The following MED13 variants were observed in gnomAD, a reference collection of about 807,000 sequenced individuals.
MED13 encodes mediator of RNA polymerase II transcription subunit 13.
In MED13, 23 loss-of-function variants were observed where a neutral mutation model predicts 225.2. That is an observed-to-expected ratio of 0.10 (90% confidence interval 0.07 to 0.14). The LOEUF is 0.14. Among genes scored for constraint, MED13 ranks in the 10% least tolerant of loss-of-function variants. The probability of loss-of-function intolerance (pLI) is 1.00; values close to 1 mark genes in which losing one functional copy is unlikely to be tolerated. For missense variants in MED13, 2,197 were observed against 2,594.5 expected (o/e 0.85, Z 3.33); for synonymous variants, 942 against 889.2 (o/e 1.06, Z -1.06).
At chr17:62,014,045 C>A (rs1222447153) in intron 8 of MED13, among the ~76,000 whole-genome samples, 2 of 151,814 alleles carry the variant, frequency 1.3e-5, no homozygotes, top group African/African-American at 4.8e-5. Context: ...TCCCACCCCC[C>A]ACCAAAAACA....
chr17:62,038,384 A>C (rs1375972159), intron 3 of MED13, among the ~76,000 whole-genome samples: 2 of 152,120 alleles, frequency 1.3e-5, no homozygotes, highest in African/African-American at 4.8e-5. Flanking sequence ...TCTCCAAACA[A>C]AAAAAGATAT....
chr17:62,036,082 A>C (rs2080800664), intron 3 of MED13, among the ~76,000 whole-genome samples: 1 of 148,488 alleles, frequency 6.7e-6, no homozygotes, highest in Admixed American at 6.8e-5. Context: ...GGGCCACTGT[A>C]CCCAGCTCTT....
At chr17:61,959,695 T>C (rs2143334931) in intron 23 of MED13, among the ~76,000 whole-genome samples, 1 of 150,142 alleles carries the variant, frequency 6.7e-6, no homozygotes. Context: ...TTTTATATAA[T>C]AAGGAAGAAA....
chr17:62,062,313 T>C (rs1412343397), intron 2 of MED13, among the ~76,000 whole-genome samples: 3 of 152,328 alleles, frequency 2.0e-5, no homozygotes, highest in African/African-American at 4.8e-5. Flanking sequence ...TGAAAAGCTA[T>C]AGTTTCTCTT....
At position 62,015,936 on chromosome 17, in the gene MED13, ATATATATATATATATATATTTTTTTTTT is replaced by A. The variant is rs1244178608; in HGVS notation, c.1284-4731_1284-4704del. Among the ~76,000 whole-genome samples the A allele has an allele frequency of 8.3e-3, 73 of 8,832 alleles. 3 individuals are homozygous for A. The highest frequency in any genetic ancestry group is 0.025 in the South Asian group (5 of 204). The allele number at this position is 8,832 out of a possible 152,430, so 5.8% of individuals were successfully genotyped here. A position where few individuals can be genotyped will look rare whatever the true frequency, so the allele number is the denominator to read the frequency against. ...TACACATATATATATATATATATAT[ATATATATATATATATATATTTTTTTTTT>A]TTTTTTTTTTTTTTTTTTTAGTAGA... On this transcript the variant is annotated intron_variant, in intron 8 of 29. Coordinates refer to ENST00000397786, the MANE Select transcript of MED13 (RefSeq NM_005121.3).
intron 16 of MED13, among the ~76,000 whole-genome samples, chr17:61,976,023 AAAAT>A (rs1248900647): frequency 1.3e-5 from 2 of 152,228 alleles, no homozygotes; most frequent in Non-Finnish European, 2.9e-5. Flanking sequence ...TCTCAAAAAA[AAAAT>A]AAATAAATAA....
intron 8 of MED13, among the ~76,000 whole-genome samples, chr17:62,027,590 T>C (rs1246170748): frequency 1.3e-5 from 2 of 152,138 alleles, no homozygotes; most frequent in African/African-American, 4.8e-5. Flanking sequence ...TGGGATCTAA[T>C]TAAACTAAAG....
Position 61,955,057 on chromosome 17 carries a change from C to G in MED13, c.5968+325G>C, listed in dbSNP as rs1455984128. On this transcript the variant is annotated intron_variant, in intron 26 of 29. Coordinates refer to ENST00000397786, the MANE Select transcript of MED13 (RefSeq NM_005121.3). ...GAGTCTAGAACTATATTCTTTGGCT[C>G]ATGGGCTCTTTCACCATCTTCAAAG... 2.6e-5 allele frequency among the ~76,000 whole-genome samples: 4 copies of G among 152,172 alleles called. No individual in the cohort carries two copies. The Middle Eastern group carries it at 9.5e-3, about 361-fold the overall frequency.
chr17:61,991,769 A>G lies in MED13; in HGVS notation c.2263+771T>C, dbSNP rs1220476144. 5.9e-5 allele frequency among the ~76,000 whole-genome samples: 9 copies of G among 152,082 alleles called. No homozygotes were observed. The East Asian group carries it at 1.4e-3, about 23-fold the overall frequency. ...GTGATCCGCCCGCCACGGCCTCCCA[A>G]AGTGCTGAGATTACAGGTGTGAGCC... On this transcript the variant is annotated intron_variant, in intron 11 of 29. Coordinates refer to ENST00000397786, the MANE Select transcript of MED13 (RefSeq NM_005121.3).
chr17:61,996,845 T>C (rs570244052), intron 9 of MED13, among the ~76,000 whole-genome samples: 1 of 152,228 alleles, frequency 6.6e-6, no homozygotes, highest in Non-Finnish European at 1.5e-5. Flanking sequence ...GACAGGGGTC[T>C]AACCTTTGTT....
At chr17:61,985,949 T>C (rs534508564) in intron 12 of MED13, among the ~76,000 whole-genome samples, 2 of 152,338 alleles carry the variant, frequency 1.3e-5, no homozygotes, top group African/African-American at 4.8e-5. Context: ...TCCTAACTTT[T>C]AGTAGATTGA....
chr17:62,028,843 T>A (rs2080726990), intron 8 of MED13, among the ~76,000 whole-genome samples: 1 of 151,858 alleles, frequency 6.6e-6, no homozygotes, highest in Non-Finnish European at 1.5e-5. Context: ...AGACTCCATC[T>A]CAAAAAATAA....
In MED13 at chr17:62,065,016, C is replaced by A. The variant is rs2081070074; in HGVS notation, c.66+124G>T. The A allele has an allele frequency of 8.8e-6, 7 of 796,008 alleles. No individual in the cohort carries two copies. The South Asian group carries it at 1.9e-4, about 22-fold the overall frequency. 49.3% of individuals were successfully genotyped at this position (796,008 alleles called of 1,614,324 possible). On this transcript the variant is annotated intron_variant, in intron 1 of 29. Coordinates refer to ENST00000397786, the MANE Select transcript of MED13 (RefSeq NM_005121.3). ...GCTGGCCGCGGAGCTTCGCAGGGCG[C>A]CGGCTCCGGCTGGGCCTCGCCCGGG...
intron 11 of MED13, among the ~76,000 whole-genome samples, chr17:61,988,547 A>C (rs560898276): frequency 2.0e-5 from 3 of 152,190 alleles, no homozygotes; most frequent in Non-Finnish European, 4.4e-5. Flanking sequence ...AAATCATCTA[A>C]GATACTTACT....
In MED13 at chr17:62,011,116, C is replaced by T; in HGVS notation, c.1401G>A (p.Lys467=). The T allele has an allele frequency of 6.2e-7, 1 of 1,614,156 alleles. No individual in the cohort carries two copies. Among genetic ancestry groups the T allele is most frequent in the Non-Finnish European group, 8.5e-7 (1 of 1,180,010 alleles). ...AAGGAGTCAAGGGGCGTTTCTGTGG[C>T]TTTTCACTCTTTTCTTGCTTCTCAT... is the stretch of plus-strand genomic sequence containing the variant. ...KTNEKQEKSE[K]PQKRPLTPFH... Residue 467 remains lysine, a synonymous_variant, in exon 9 of 30, where the codon AAG becomes AAA. Coordinates refer to ENST00000397786, the MANE Select transcript of MED13 (RefSeq NM_005121.3).
chr17:62,034,415 A>C (rs935139187), intron 4 of MED13, among the ~76,000 whole-genome samples: 5 of 149,148 alleles, frequency 3.4e-5, no homozygotes, highest in African/African-American at 1.2e-4. Context: ...TGAACCCGGG[A>C]GGCAGAGGCT....
At chr17:62,003,599 C>CAAAAAAAAAAAAACAAAAAA (rs2080417328) in intron 9 of MED13, 1 of 51,744 alleles carries the variant, frequency 1.9e-5, no homozygotes, top group Non-Finnish European at 3.3e-5. Context: ...CAGCAAAACT[C>CAAAAAAAAAAAAACAAAAAA]AAAAAAAAAA....
intron 11 of MED13, among the ~76,000 whole-genome samples, chr17:61,989,527 G>A (rs1276644410): frequency 3.3e-5 from 5 of 152,186 alleles, no homozygotes; most frequent in Admixed American, 6.5e-5. Flanking sequence ...TAGTAGAAAC[G>A]GAGTTTTGCC....
At position 61,966,659 on chromosome 17, in the gene MED13, T is replaced by C. The variant is rs1297657447; in HGVS notation, c.4192-8A>G. 3.2e-6 allele frequency: 5 copies of C among 1,558,172 alleles called. No homozygotes were observed. Among genetic ancestry groups the C allele is most frequent in the Non-Finnish European group, 3.5e-6 (4 of 1,153,516 alleles). ...TTGACCTAATCGACAGGACTACAAATATACATACAGAAAGCAGAATTAGTA... is the reference window on the plus strand; with the variant it reads ...TTGACCTAATCGACAGGACTACAAACATACATACAGAAAGCAGAATTAGTA... On this transcript the variant is annotated splice_region_variant and splice_polypyrimidine_tract_variant and intron_variant, in intron 18 of 29. Coordinates refer to ENST00000397786, the MANE Select transcript of MED13 (RefSeq NM_005121.3).
Sources: allele counts gnomAD v4.1 joint callset (sites outside exome capture counted in the v4.1 genomes callset), GRCh38; gene constraint gnomAD v4.1.1; transcripts MANE v1.5; gene names NCBI Gene and HGNC (gene_info 2026-07-23, HGNC 2026-07-21).